MACROD2: variants seen among roughly 807,000 people sequenced by gnomAD.
The protein encoded by MACROD2 is ADP-ribose glycohydrolase MACROD2.
Under a neutral mutation model 70.4 loss-of-function variants are expected in MACROD2, and 36 were observed. The ratio of observed to expected loss-of-function variants is 0.51; its 90% CI spans 0.39 to 0.68. MACROD2 has a LOEUF of 0.68. MACROD2 is among the 30% of genes least tolerant of loss of function. The pLI, the probability that MACROD2 is intolerant of heterozygous loss-of-function variation, is 0.00. For missense variants in MACROD2, 496 were observed against 538.4 expected, an observed-to-expected ratio of 0.92 and a Z score of 0.78; for synonymous variants, 172 against 178.8, an observed-to-expected ratio of 0.96 and a Z score of 0.30.
chr20:15,974,646 T>A (rs2066279028), intron 13 of MACROD2, among the ~76,000 whole-genome samples: 1 of 152,008 alleles, frequency 6.6e-6, no homozygotes, highest in Non-Finnish European at 1.5e-5. Context: ...GTTCCAAGAG[T>A]GAACCTTAAT....
At chr20:14,422,926 T>C (rs1600223380) in intron 3 of MACROD2, among the ~76,000 whole-genome samples, 1 of 152,180 alleles carries the variant, frequency 6.6e-6, no homozygotes, top group South Asian at 2.1e-4. Flanking sequence ...AAGACTCGGG[T>C]TAGCATTTCT....
rs1048091602 is a variant in MACROD2, at chr20:15,392,040, G to T, written c.541-39365G>T. Among the ~76,000 whole-genome samples, 3 of 151,972 alleles carry T rather than the reference G, an allele frequency of 2.0e-5. No homozygotes were observed. In the East Asian group the frequency reaches 5.8e-4, roughly 29 times the overall value. The stretch of plus-strand genomic sequence containing the variant: ...TTTGCTTGTTCATTTTTTTAAGTGG[G>T]GAAAACTATGGAAATGGGAAGCAAA... On this transcript the variant is annotated intron_variant, in intron 6 of 17. Coordinates refer to ENST00000684519, the MANE Select transcript of MACROD2 (RefSeq NM_001351661.2).
intron 15 of MACROD2, among the ~76,000 whole-genome samples, chr20:16,031,129 G>A (rs1387061036): frequency 6.6e-6 from 1 of 151,940 alleles, no homozygotes; most frequent in African/African-American, 2.4e-5. Flanking sequence ...ACAGGGAAGG[G>A]TTAATTTTCT....
chr20:14,098,701 T>C (rs1192074851), intron 3 of MACROD2, among the ~76,000 whole-genome samples: 1 of 152,194 alleles, frequency 6.6e-6, no homozygotes, highest in Non-Finnish European at 1.5e-5. Context: ...TATTTGAAGT[T>C]AGAATTTAAG....
At chr20:14,807,969 T>C (rs1397844923) in intron 5 of MACROD2, among the ~76,000 whole-genome samples, 1 of 152,088 alleles carries the variant, frequency 6.6e-6, no homozygotes, top group Admixed American at 6.6e-5. Flanking sequence ...TACGATTGAT[T>C]GGTGTACCTG....
intron 3 of MACROD2, among the ~76,000 whole-genome samples, chr20:14,450,273 G>T (rs1394313289): frequency 1.3e-5 from 2 of 152,060 alleles, no homozygotes; most frequent in South Asian, 2.1e-4. Context: ...TCATATGCAT[G>T]TTGGTTCTAA....
At position 15,111,176 on chromosome 20, in the gene MACROD2, TG is replaced by T. The variant is rs1175641608; in HGVS notation, c.419-118763del. 2.1e-3 allele frequency among the ~76,000 whole-genome samples: 139 copies of T among 65,172 alleles called. 3 individuals are homozygous for T. The highest frequency in any genetic ancestry group is 8.2e-3 in the African/African-American group (117 of 14,332). 42.8% of individuals were successfully genotyped at this position (65,172 alleles called of 152,430 possible). A position where few individuals can be genotyped will look rare whatever the true frequency, so the allele number is the denominator to read the frequency against. On this transcript the variant is annotated intron_variant, in intron 5 of 17. Transcript: ENST00000684519. The stretch of plus-strand genomic sequence containing the variant: ...TGTTTTTTGTTTGTTTGTTTTTGTT[TG>T]TTTTTTTTTTTTTGCGACGGAGTCT...
intron 10 of MACROD2, among the ~76,000 whole-genome samples, chr20:15,914,785 C>A (rs2065288541): frequency 6.6e-6 from 1 of 152,148 alleles, no homozygotes; most frequent in Non-Finnish European, 1.5e-5. Context: ...CTTCAAGATA[C>A]CCATGGCAAG....
At chr20:14,942,439 C>G (rs2074398163) in intron 5 of MACROD2, among the ~76,000 whole-genome samples, 2 of 151,740 alleles carry the variant, frequency 1.3e-5, no homozygotes, top group African/African-American at 4.8e-5. Context: ...CCTCCTCTTC[C>G]TCCTTTCTCC....
chr20:15,848,402 T>TAGG (rs1279660897), intron 8 of MACROD2, among the ~76,000 whole-genome samples: 8 of 152,012 alleles, frequency 5.3e-5, no homozygotes, highest in Non-Finnish European at 1.2e-4. Context: ...TAGTAACGAT[T>TAGG]AGGAAGAAAA....
At chr20:15,813,380 T>C (rs1370098771) in intron 8 of MACROD2, among the ~76,000 whole-genome samples, 1 of 152,200 alleles carries the variant, frequency 6.6e-6, no homozygotes, top group East Asian at 1.9e-4. Flanking sequence ...TCAATTGATT[T>C]CCTATGAGAA....
intron 5 of MACROD2, among the ~76,000 whole-genome samples, chr20:14,717,235 G>A (rs1568755902): frequency 6.6e-6 from 1 of 152,086 alleles, no homozygotes; most frequent in Non-Finnish European, 1.5e-5. Context: ...TCTATATTTG[G>A]AAGTTTACAG....
At chr20:15,642,765 G>T (rs1174629977) in intron 8 of MACROD2, among the ~76,000 whole-genome samples, 2 of 149,276 alleles carry the variant, frequency 1.3e-5, no homozygotes, top group Non-Finnish European at 3.0e-5. Flanking sequence ...GTGTGTGTTT[G>T]TGTGTGTGTA....
chr20:15,673,511 C>T (rs1036399001), intron 8 of MACROD2, among the ~76,000 whole-genome samples: 20 of 152,046 alleles, frequency 1.3e-4, no homozygotes, highest in African/African-American at 4.6e-4. Context: ...TAAGTGGAAG[C>T]CCAAGAATCT....
intron 5 of MACROD2, among the ~76,000 whole-genome samples, chr20:15,162,415 G>T (rs1374580374): frequency 6.6e-6 from 1 of 151,994 alleles, no homozygotes; most frequent in Non-Finnish European, 1.5e-5. Flanking sequence ...GGTTATATTC[G>T]TGGTGAAAGG....
intron 8 of MACROD2, among the ~76,000 whole-genome samples, chr20:15,827,500 G>C (rs1337464414): frequency 6.6e-6 from 1 of 152,060 alleles, no homozygotes; most frequent in Non-Finnish European, 1.5e-5. Context: ...AAAATTGCAA[G>C]AAGTTTCTTC....
intron 5 of MACROD2, among the ~76,000 whole-genome samples, chr20:14,815,324 A>T (rs1295060234): frequency 6.6e-6 from 1 of 152,114 alleles, no homozygotes; most frequent in Non-Finnish European, 1.5e-5. Context: ...TCGGAAAGAA[A>T]AAAGTTATCT....
intron 7 of MACROD2, among the ~76,000 whole-genome samples, chr20:15,443,278 T>G (rs2046519916): frequency 6.6e-6 from 1 of 150,970 alleles, no homozygotes; most frequent in Admixed American, 6.6e-5. Flanking sequence ...TAGGGCAGAG[T>G]CTGATCATAG....
intron 4 of MACROD2, among the ~76,000 whole-genome samples, chr20:14,644,868 AAAAC>A: frequency 6.6e-6 from 1 of 152,238 alleles, no homozygotes; most frequent in East Asian, 1.9e-4. Flanking sequence ...GCAAACAACA[AAAAC>A]AAACAAAATT....
Sources: allele counts gnomAD v4.1 joint callset (sites outside exome capture counted in the v4.1 genomes callset), GRCh38; gene constraint gnomAD v4.1.1; transcripts MANE v1.5; gene names NCBI Gene and HGNC (gene_info 2026-07-23, HGNC 2026-07-21).